Variants in ARID2 observed in about 807,000 individuals in gnomAD.
The protein encoded by ARID2 is AT-rich interaction domain 2.
ARID2 carries 32 observed loss-of-function variants against 184.6 expected under a neutral mutation model. That is an observed-to-expected ratio of 0.17 (90% CI 0.13 to 0.23). The LOEUF (loss-of-function observed/expected upper bound fraction) is 0.23, where lower values mean the gene tolerates loss of function less well. ARID2 is among the 10% of genes least tolerant of loss of function. ARID2 has a pLI of 1.00. For missense variants in ARID2, 1,696 were observed against 2,197.6 expected, an observed-to-expected ratio of 0.77 and a Z score of 4.56; for synonymous variants, 836 against 772.6, an observed-to-expected ratio of 1.08 and a Z score of -1.36.
intron 3 of ARID2, among the ~76,000 whole-genome samples, chr12:45,809,970 A>C (rs1942673931): frequency 6.6e-6 from 1 of 151,998 alleles, no homozygotes; most frequent in African/African-American, 2.4e-5. Context: ...ATTGATACCC[A>C]CCTCCCTTAC....
rs564524227 is a variant in ARID2, at chr12:45,730,873, C to CTT, written c.187-323_187-322dup. Among the ~76,000 whole-genome samples the CTT allele has an allele frequency of 6.0e-3, 580 of 96,684 alleles. 7 individuals carry two copies. The highest frequency in any genetic ancestry group is 0.021 in the African/African-American group (522 of 24,836). 63.4% of individuals were successfully genotyped at this position (96,684 alleles called of 152,430 possible). The stretch of plus-strand genomic sequence containing the variant: ...CCGGAACTGTATTGATCCTTTTGAA[C>CTT]TTTTTTTTTTTTTTTTTTTTTTAGT... On this transcript the variant is annotated intron_variant, in intron 2 of 20. Transcript: ENST00000334344.
intron 3 of ARID2, among the ~76,000 whole-genome samples, chr12:45,770,925 G>A (rs569690476): frequency 6.6e-6 from 1 of 152,204 alleles, no homozygotes; most frequent in South Asian, 2.1e-4. Context: ...TTTGGCTTGG[G>A]AGTGGGGTTT....
chr12:45,852,419 G>A lies in ARID2; in HGVS notation c.4296G>A (p.Gln1432=), dbSNP rs1943570880. 6.2e-7 allele frequency: 1 copy of A among 1,614,130 alleles called. No homozygotes were observed. The highest frequency in any genetic ancestry group is 8.5e-7 in the Non-Finnish European group (1 of 1,179,998). ...GTGGTTCATCTGTGAGCAGTATACA[G>A]GAGGCTTCAAATGCGGCAACACAGC... ...TLGGSSVSSI[Q]EASNAATQQF... Residue 1432 remains glutamine, a synonymous_variant, in exon 15 of 21, where the codon CAG becomes CAA. Coordinates refer to ENST00000334344, the MANE Select transcript of ARID2 (RefSeq NM_152641.4).
intron 3 of ARID2, among the ~76,000 whole-genome samples, chr12:45,760,453 C>T (rs1270658851): frequency 6.6e-6 from 1 of 151,952 alleles, no homozygotes; most frequent in African/African-American, 2.4e-5. Flanking sequence ...TTGTTAATCT[C>T]TTTTGCACAC....
Position 45,850,518 on chromosome 12 carries a change from A to G in ARID2, c.2395A>G (p.Ser799Gly). ...AGTAATTCAACAAGCTGTCCCACAG[A>G]GTCATATGTTTGGCAGAGTACAGAA... The part of the protein sequence containing the change: ...VTVIQQAVPQ[S>G]HMFGRVQNIP... Residue 799 changes from serine to glycine, a missense_variant, in exon 15 of 21, where the codon AGT becomes GGT. Physicochemically the swap from Ser to Gly is moderately conservative, Grantham distance 56. Around this residue, in one of 11 missense-constraint regions of ARID2, gnomAD observed 713 missense variants for 824.4 expected, o/e 0.86. Transcript: ENST00000334344. 1.2e-6 allele frequency: 2 copies of G among 1,614,084 alleles called. No homozygotes were observed. The highest frequency in any genetic ancestry group is 1.7e-6 in the Non-Finnish European group (2 of 1,179,988).
At chr12:45,846,540 A>G (rs1943444193) in intron 11 of ARID2, among the ~76,000 whole-genome samples, 1 of 152,120 alleles carries the variant, frequency 6.6e-6, no homozygotes, top group African/African-American at 2.4e-5. Flanking sequence ...CAGATATTGT[A>G]AAGTATTTAG....
intron 6 of ARID2, among the ~76,000 whole-genome samples, chr12:45,835,931 T>C (rs1322423044): frequency 6.6e-6 from 1 of 151,384 alleles, no homozygotes; most frequent in Non-Finnish European, 1.5e-5. Flanking sequence ...AAAAGAAATG[T>C]CAAATTTCCA....
chr12:45,801,948 G>A (rs1942510944), intron 3 of ARID2, among the ~76,000 whole-genome samples: 1 of 152,104 alleles, frequency 6.6e-6, no homozygotes, highest in South Asian at 2.1e-4. Context: ...CAGTATAAAA[G>A]TTGTTTTTAA....
intron 3 of ARID2, among the ~76,000 whole-genome samples, chr12:45,781,896 A>G (rs867121186): frequency 2.6e-5 from 4 of 152,220 alleles, no homozygotes; most frequent in African/African-American, 9.6e-5. Context: ...ATGGTACAGT[A>G]TCTATTAAGA....
intron 16 of ARID2, among the ~76,000 whole-genome samples, chr12:45,867,247 C>A (rs780562105): frequency 6.6e-6 from 1 of 150,990 alleles, no homozygotes; most frequent in Non-Finnish European, 1.5e-5. Context: ...CTGCACCCAG[C>A]CTGTTGTTAC....
intron 5 of ARID2, among the ~76,000 whole-genome samples, chr12:45,821,138 G>C (rs1432695748): frequency 2.0e-5 from 3 of 152,052 alleles, no homozygotes; most frequent in Non-Finnish European, 4.4e-5. Context: ...GAAAGCCAGT[G>C]TGGAGTAACT....
At chr12:45,805,653 G>A (rs566296351) in intron 3 of ARID2, among the ~76,000 whole-genome samples, 47 of 152,092 alleles carry the variant, frequency 3.1e-4, no homozygotes, top group East Asian at 1.2e-3. Flanking sequence ...TAATAAAATT[G>A]TATGATTTTA....
In ARID2 at chr12:45,852,162, C is replaced by T. The variant is rs1170525254; in HGVS notation, c.4039C>T (p.Gln1347Ter). ...GKQNSEQIDM[Q>*]DIKSDLRKPL... Reference sequence around the variant, plus strand: ...ACAGAACTCAGAACAAATAGACATGCAAGATATCAAAAGTGATTTGAGAAA... The same window carrying T: ...ACAGAACTCAGAACAAATAGACATGTAAGATATCAAAAGTGATTTGAGAAA... The change falls in exon 15 of 21, where the codon CAA becomes TAA. Residue 1347 changes from glutamine to a stop codon, truncating the protein, a stop_gained. Coordinates refer to ENST00000334344, the MANE Select transcript of ARID2 (RefSeq NM_152641.4). LOFTEE classifies it high-confidence loss of function. 1 of 1,613,998 alleles carries T rather than the reference C, an allele frequency of 6.2e-7. No homozygotes were observed. Among genetic ancestry groups the T allele is most frequent in the Non-Finnish European group, 8.5e-7 (1 of 1,179,986 alleles).
chr12:45,825,483 T>C (rs1942978877), intron 6 of ARID2, among the ~76,000 whole-genome samples: 1 of 152,212 alleles, frequency 6.6e-6, no homozygotes, highest in Admixed American at 6.5e-5. Flanking sequence ...TTTTAGCTTT[T>C]CTTTATTGCT....
At chr12:45,747,540 T>TAATTA (rs1941382670) in intron 3 of ARID2, among the ~76,000 whole-genome samples, 1 of 152,174 alleles carries the variant, frequency 6.6e-6, no homozygotes, top group African/African-American at 2.4e-5. Context: ...TAGGATCTCC[T>TAATTA]GTCACTTGGG....
At chr12:45,853,628 A>G (rs1453678639) in intron 15 of ARID2, among the ~76,000 whole-genome samples, 1 of 152,140 alleles carries the variant, frequency 6.6e-6, no homozygotes, top group Non-Finnish European at 1.5e-5. Context: ...TGCTCTTTCC[A>G]CTGAAATCAT....
At position 45,799,442 on chromosome 12, in the gene ARID2, C is replaced by T. The variant is rs572107186; in HGVS notation, c.285-11976C>T. 2.0e-5 allele frequency among the ~76,000 whole-genome samples: 3 copies of T among 152,242 alleles called. No homozygotes were observed. The East Asian group carries it at 5.8e-4, about 29-fold the overall frequency. ...TCCCTTATTTTAAAATCCCATCTGT[C>T]AGTGGTGCACATTTTTTTTGTTGAA... is the stretch of plus-strand genomic sequence containing the variant. On this transcript the variant is annotated intron_variant, in intron 3 of 20. Transcript: ENST00000334344.
chr12:45,884,815 A>G (rs1380929445), intron 16 of ARID2, among the ~76,000 whole-genome samples: 1 of 152,194 alleles, frequency 6.6e-6, no homozygotes, highest in Non-Finnish European at 1.5e-5. Context: ...AAGCCCCCCA[A>G]GAAGGCCAAA....
At chr12:45,874,324 T>C (rs1565633601) in intron 16 of ARID2, 3 of 168,620 alleles carry the variant, frequency 1.8e-5, no homozygotes, top group African/African-American at 4.8e-5. Flanking sequence ...AGCAAGACCC[T>C]GTCTCTTAAA....
Sources: allele counts gnomAD v4.1 joint callset (sites outside exome capture counted in the v4.1 genomes callset), GRCh38; gene constraint gnomAD v4.1.1; regional missense constraint gnomAD v4.1.1; transcripts MANE v1.5; gene names NCBI Gene and HGNC (gene_info 2026-07-23, HGNC 2026-07-21).